The following METTL21A variants were observed in gnomAD, a reference collection of about 807,000 sequenced individuals.
METTL21A encodes methyltransferase 21A, HSPA lysine.
A neutral mutation model predicts 20.9 loss-of-function variants in METTL21A; 22 were observed. The observed-to-expected ratio is 1.05, with a 90% confidence interval of 0.75 to 1.50. The LOEUF is 1.50. METTL21A is among the 40% of genes most tolerant of loss of function. The probability of loss-of-function intolerance (pLI) is 0.00; values close to 1 mark genes in which losing one functional copy is unlikely to be tolerated. For synonymous variants in METTL21A, 93 were observed against 102.0 expected (o/e 0.91, Z 0.53); for missense variants, 271 against 266.8 (o/e 1.02, Z -0.11).
chr2:207,603,350 A>C (rs1475108647), intron 3 of METTL21A: 3 of 224,264 alleles, frequency 1.3e-5, no homozygotes, highest in Non-Finnish European at 2.7e-5. Flanking sequence ...TTCTTACTGT[A>C]ATCTTTGTGG....
intron 3 of METTL21A, chr2:207,601,124 CTTTA>C (rs139164200): frequency 0.82 from 152,152 of 184,968 alleles, 62,923 homozygotes; most frequent in East Asian, 1. Context: ...TTTCAAGAGG[CTTTA>C]TTTTTGTTGC....
chr2:207,618,825 C>G lies in METTL21A; in HGVS notation c.259+2981G>C, dbSNP rs114941566. 9.1e-3 allele frequency among the ~76,000 whole-genome samples: 1,391 copies of G among 152,200 alleles called. 13 individuals are homozygous for G. The highest frequency in any genetic ancestry group is 0.015 in the Non-Finnish European group (1,047 of 68,000). Reference sequence around the variant, plus strand: ...CAAGGCTGACAGTGGGTAACTGAAGCCAGGGAAAGTGATCACAGGTGAGGG... The same window carrying G: ...CAAGGCTGACAGTGGGTAACTGAAGGCAGGGAAAGTGATCACAGGTGAGGG... On this transcript the variant is annotated intron_variant, in intron 3 of 3. Transcript: ENST00000406927.
At position 207,620,529 on chromosome 2, in the gene METTL21A, T is replaced by C. The variant is rs1008929110; in HGVS notation, c.259+1277A>G. 9 of 565,968 alleles carry C rather than the reference T, an allele frequency of 1.6e-5. 1 individual carries two copies. In the Admixed American group the frequency reaches 3.6e-4, roughly 23 times the overall value. The allele number at this position is 565,968 out of a possible 1,614,324, so 35.1% of individuals were successfully genotyped here. A position where few individuals can be genotyped will look rare whatever the true frequency, so the allele number is the denominator to read the frequency against. ...CAAGCCTGGTTTTGAGTCCCAGATC[T>C]CCAGTGATCAGGACTTCAGAAAGTA... On this transcript the variant is annotated intron_variant, in intron 3 of 3. Transcript: ENST00000406927.
chr2:207,593,040 T>A (rs765835736), intron 3 of METTL21A, among the ~76,000 whole-genome samples: 21 of 152,246 alleles, frequency 1.4e-4, no homozygotes, highest in Non-Finnish European at 2.8e-4. Context: ...TTTTTGTTGT[T>A]CTGTCTTCAA....
At chr2:207,616,780 A>C (rs2089813508) in intron 3 of METTL21A, among the ~76,000 whole-genome samples, 1 of 152,174 alleles carries the variant, frequency 6.6e-6, no homozygotes, top group Admixed American at 6.5e-5. Context: ...CGGGAGGCAG[A>C]GGTTGCAGTG....
intron 3 of METTL21A, chr2:207,601,687 A>T (rs2087080744): frequency 9.4e-6 from 2 of 213,356 alleles, no homozygotes; most frequent in South Asian, 3.7e-4. Context: ...GACCACATGT[A>T]ATATACTGAA....
chr2:207,602,397 C>G (rs868638319), intron 3 of METTL21A: 28 of 202,260 alleles, frequency 1.4e-4, no homozygotes, highest in African/African-American at 5.7e-4. Context: ...TTTAATTATT[C>G]TCACCAGCAA....
chr2:207,587,342 G>A (rs535093750), intron 3 of METTL21A, among the ~76,000 whole-genome samples: 207 of 149,854 alleles, frequency 1.4e-3, no homozygotes, highest in Non-Finnish European at 2.1e-3. Context: ...GCAGTGAGCC[G>A]AGATCGCACC....
chr2:207,602,886 T>C (rs896271000), intron 3 of METTL21A: 2 of 217,256 alleles, frequency 9.2e-6, no homozygotes, highest in Non-Finnish European at 1.9e-5. Context: ...CAGTTGTAAC[T>C]CCCCCACTCC....
chr2:207,621,079 T>C (rs569865430), intron 3 of METTL21A, among the ~76,000 whole-genome samples: 2 of 152,352 alleles, frequency 1.3e-5, no homozygotes, highest in Admixed American at 1.3e-4. Context: ...ATGGAAGTGA[T>C]AAACATTATA....
downstream of METTL21A, among the ~76,000 whole-genome samples, chr2:207,607,989 C>T (rs374966069): frequency 3.9e-5 from 6 of 152,008 alleles, no homozygotes; most frequent in African/African-American, 1.5e-4. Context: ...TCACACACAC[C>T]CCACACCTGA....
At chr2:207,612,041 T>A (rs1575111865), downstream of METTL21A, 1 of 3,174 alleles carries the variant, frequency 3.2e-4, no homozygotes, top group Middle Eastern at 0.17. Flanking sequence ...AATAAATTAA[T>A]TAAAAAAAAA....
chr2:207,621,939 T>C (rs1156817426), intron 2 of METTL21A, 22 bp from the exon 3 acceptor site: 12 of 1,605,476 alleles, frequency 7.5e-6, no homozygotes, highest in African/African-American at 1.3e-5. Context: ...CACAGTGTGA[T>C]GACGATTAAG....
downstream of METTL21A, among the ~76,000 whole-genome samples, chr2:207,607,689 A>ATTTTTTTTTTTT (rs2088327241): frequency 6.9e-6 from 1 of 144,242 alleles, no homozygotes; most frequent in Admixed American, 7.1e-5. Flanking sequence ...TCATACATAC[A>ATTTTTTTTTTTT]TTTTAACATA....
intron 3 of METTL21A, among the ~76,000 whole-genome samples, chr2:207,620,128 GA>G (rs2090310395): frequency 6.6e-6 from 1 of 152,116 alleles, no homozygotes; most frequent in African/African-American, 2.4e-5. Context: ...TATCAGCAGA[GA>G]GAGAAGTTGG....
chr2:207,604,045 C>G (rs1285392915), intron 3 of METTL21A, among the ~76,000 whole-genome samples: 2 of 152,132 alleles, frequency 1.3e-5, no homozygotes, highest in Non-Finnish European at 2.9e-5. Flanking sequence ...ATTTATTGCA[C>G]AAAATGAGAC....
At chr2:207,593,550 A>T (rs1308230644) in intron 3 of METTL21A, among the ~76,000 whole-genome samples, 4 of 152,026 alleles carry the variant, frequency 2.6e-5, no homozygotes. Flanking sequence ...AATAGAAGCA[A>T]ATGCTACTTT....
chr2:207,620,043 A>G (rs1345029135), intron 3 of METTL21A, among the ~76,000 whole-genome samples: 1 of 152,256 alleles, frequency 6.6e-6, no homozygotes, highest in Admixed American at 6.5e-5. Context: ...TACACCAGCC[A>G]AGAAAGTTTT....
intron 3 of METTL21A, among the ~76,000 whole-genome samples, chr2:207,614,343 T>C (rs1261090851): frequency 6.6e-6 from 1 of 151,040 alleles, no homozygotes; most frequent in African/African-American, 2.4e-5. Context: ...TGCAGTGAAC[T>C]GTTATTGTGC....
Sources: gnomAD v4.1 joint callset for allele counts (sites outside exome capture counted in the v4.1 genomes callset) on GRCh38, gnomAD v4.1.1 for gene constraint, MANE v1.5 for transcripts, NCBI Gene and HGNC (gene_info 2026-07-23, HGNC 2026-07-21) for gene names.